The following TMEM132D variants were observed in gnomAD, a reference collection of about 807,000 sequenced individuals.
TMEM132D encodes the protein mature OL transmembrane protein.
In TMEM132D, 21 loss-of-function variants were observed where a neutral mutation model predicts 62.3. The ratio of observed to expected loss-of-function variants is 0.34; its 90% confidence interval spans 0.24 to 0.49. The LOEUF is 0.49. Among genes scored for constraint, TMEM132D ranks in the 20% least tolerant of loss-of-function variants. TMEM132D has a pLI of 0.99. For missense variants in TMEM132D, 1,346 were observed against 1,402.8 expected, an observed-to-expected ratio of 0.96 and a Z score of 0.65; for synonymous variants, 621 against 575.6, an observed-to-expected ratio of 1.08 and a Z score of -1.13.
intron 1 of TMEM132D, among the ~76,000 whole-genome samples, chr12:129,771,469 C>T (rs1480634292): frequency 6.6e-6 from 1 of 152,224 alleles, no homozygotes; most frequent in Non-Finnish European, 1.5e-5. Flanking sequence ...TGACAAAACA[C>T]AGCAATGGGT....
At chr12:129,531,802 C>A (rs900024608) in intron 2 of TMEM132D, among the ~76,000 whole-genome samples, 2 of 152,194 alleles carry the variant, frequency 1.3e-5, no homozygotes, top group African/African-American at 4.8e-5. Context: ...TTTTTATAAT[C>A]TTGTCTTCTT....
intron 3 of TMEM132D, among the ~76,000 whole-genome samples, chr12:129,466,056 CA>C (rs1445429115): frequency 6.6e-6 from 1 of 152,104 alleles, no homozygotes; most frequent in African/African-American, 2.4e-5. Flanking sequence ...GTGTTTGAGA[CA>C]ATGCAAGTAA....
intron 3 of TMEM132D, among the ~76,000 whole-genome samples, chr12:129,476,175 C>T (rs1874250791): frequency 6.6e-6 from 1 of 152,200 alleles, no homozygotes; most frequent in Admixed American, 6.5e-5. Flanking sequence ...AAAAATAATG[C>T]CTCCGCCATG....
chr12:129,697,095 G>T (rs1881226140), intron 2 of TMEM132D, among the ~76,000 whole-genome samples: 1 of 152,214 alleles, frequency 6.6e-6, no homozygotes, highest in Admixed American at 6.5e-5. Context: ...ACGCCGCCGG[G>T]GAGGTGTACA....
intron 5 of TMEM132D, among the ~76,000 whole-genome samples, chr12:129,087,928 GTGTCCTCC>G (rs1874688063): frequency 2.3e-5 from 2 of 86,120 alleles, no homozygotes; most frequent in East Asian, 4.0e-4. Context: ...CCCTGACCGG[GTGTCCTCC>G]ATGACCGGGG....
At chr12:129,606,013 G>T (rs997501590) in intron 2 of TMEM132D, among the ~76,000 whole-genome samples, 2 of 151,820 alleles carry the variant, frequency 1.3e-5, no homozygotes, top group African/African-American at 4.8e-5. Context: ...CCATTGAGGT[G>T]GAACAAGAAC....
chr12:129,577,153 G>T (rs141774625), intron 2 of TMEM132D, among the ~76,000 whole-genome samples: 47 of 151,910 alleles, frequency 3.1e-4, no homozygotes, highest in Middle Eastern at 3.4e-3. Flanking sequence ...AGAACCACTA[G>T]AGATCACTTT....
chr12:129,789,381 A>G (rs536712950), intron 1 of TMEM132D, among the ~76,000 whole-genome samples: 9 of 152,168 alleles, frequency 5.9e-5, no homozygotes, highest in Non-Finnish European at 1.2e-4. Flanking sequence ...CCAGGTTGCT[A>G]CCCATAGGAA....
chr12:129,282,066 C>T (rs2135610536), intron 4 of TMEM132D, among the ~76,000 whole-genome samples: 1 of 152,292 alleles, frequency 6.6e-6, no homozygotes, highest in South Asian at 2.1e-4. Flanking sequence ...CCATCAATCC[C>T]TTCCACAAGA....
At chr12:129,287,001 T>G (rs1425770449) in intron 4 of TMEM132D, among the ~76,000 whole-genome samples, 1 of 150,296 alleles carries the variant, frequency 6.7e-6, no homozygotes, top group East Asian at 2.0e-4. Context: ...TGAGCTGAGA[T>G]CACGCCACTG....
chr12:129,273,934 T>A (rs1458347235), intron 4 of TMEM132D, among the ~76,000 whole-genome samples: 1 of 151,722 alleles, frequency 6.6e-6, no homozygotes, highest in Non-Finnish European at 1.5e-5. Flanking sequence ...AAAAGAGTGT[T>A]TGCATCTGAT....
intron 3 of TMEM132D, among the ~76,000 whole-genome samples, chr12:129,438,681 G>A (rs1481878782): frequency 3.9e-5 from 6 of 152,058 alleles, no homozygotes; most frequent in Admixed American, 2.0e-4. Flanking sequence ...TTCTGTCCTC[G>A]GATCTGACAC....
At chr12:129,262,031 CT>C (rs1298370778) in intron 4 of TMEM132D, among the ~76,000 whole-genome samples, 5 of 152,014 alleles carry the variant, frequency 3.3e-5, no homozygotes, top group South Asian at 4.2e-4. Flanking sequence ...AGAGTATGGG[CT>C]TGGGGGCACC....
chr12:129,404,395 C>T (rs1399111320), intron 3 of TMEM132D, among the ~76,000 whole-genome samples: 1 of 152,096 alleles, frequency 6.6e-6, no homozygotes, highest in Non-Finnish European at 1.5e-5. Flanking sequence ...TGGGGTTTCG[C>T]CATAATGGCC....
At position 129,761,144 on chromosome 12, in the gene TMEM132D, A is replaced by G. The variant is rs544436585; in HGVS notation, c.80-60446T>C. On this transcript the variant is annotated intron_variant, in intron 1 of 8. Coordinates refer to ENST00000422113, the MANE Select transcript of TMEM132D (RefSeq NM_133448.3). ...ACGCTGGTTTGGTTGCCTCCCATAA[A>G]GGACCTCGTTCCAGTGTCATCCTCC... is the stretch of plus-strand genomic sequence containing the variant. Among the ~76,000 whole-genome samples, 258 of 152,264 alleles carry G rather than the reference A, an allele frequency of 1.7e-3. 3 individuals carry two copies. Among genetic ancestry groups the G allele is most frequent in the Non-Finnish European group, 2.9e-3 (197 of 68,022 alleles).
intron 5 of TMEM132D, among the ~76,000 whole-genome samples, chr12:129,091,020 C>T (rs745461802): frequency 2.0e-4 from 31 of 152,244 alleles, no homozygotes; most frequent in African/African-American, 5.3e-4. Flanking sequence ...CAAGACAATT[C>T]GGAAAGGGTA....
intron 1 of TMEM132D, among the ~76,000 whole-genome samples, chr12:129,859,160 G>A (rs978235967): frequency 6.6e-6 from 1 of 152,088 alleles, no homozygotes; most frequent in East Asian, 1.9e-4. Context: ...TGCCATCTCC[G>A]AACCAGAAAC....
chr12:129,205,094 C>T (rs11614075), intron 5 of TMEM132D, among the ~76,000 whole-genome samples: 10,264 of 152,122 alleles, frequency 0.067, 386 homozygotes, highest in African/African-American at 0.078. Context: ...AGAACAGTGA[C>T]ATTATAAAGC....
intron 2 of TMEM132D, among the ~76,000 whole-genome samples, chr12:129,587,828 A>G (rs1405538459): frequency 1.3e-5 from 2 of 152,200 alleles, no homozygotes; most frequent in Non-Finnish European, 2.9e-5. Context: ...CAGGGGGTAT[A>G]TTATTCTCCT....
Sources: allele counts gnomAD v4.1 joint callset (sites outside exome capture counted in the v4.1 genomes callset), GRCh38; gene constraint gnomAD v4.1.1; transcripts MANE v1.5; gene names NCBI Gene and HGNC (gene_info 2026-07-23, HGNC 2026-07-21).